The following SPATA13 variants were observed in gnomAD, a reference collection of about 807,000 sequenced individuals.
The protein encoded by SPATA13 is spermatogenesis-associated protein 13.
Under a neutral mutation model 104.0 loss-of-function variants are expected in SPATA13, and 50 were observed. The observed-to-expected ratio is 0.48, with a 90% confidence interval of 0.38 to 0.61. The LOEUF is 0.61. Ranked by LOEUF, SPATA13 falls within the 20% of genes least tolerant of loss-of-function variation. SPATA13 has a pLI of 0.00. For synonymous variants in SPATA13, 606 were observed against 667.5 expected, an observed-to-expected ratio of 0.91 and a Z score of 1.42; for missense variants, 1,524 against 1,690.6, an observed-to-expected ratio of 0.90 and a Z score of 1.73.
chr13:24,274,444 G>A (rs1290541217), intron 4 of SPATA13, among the ~76,000 whole-genome samples: 1 of 152,218 alleles, frequency 6.6e-6, no homozygotes, highest in African/African-American at 2.4e-5. Context: ...AGATGCCACA[G>A]GCCCTGGGTG....
At chr13:24,056,309 T>C (rs1199646391) in intron 3 of SPATA13, among the ~76,000 whole-genome samples, 1 of 152,216 alleles carries the variant, frequency 6.6e-6, no homozygotes, top group Non-Finnish European at 1.5e-5. Context: ...CATTTAGAGA[T>C]GCTTTGGAAG....
intron 4 of SPATA13, among the ~76,000 whole-genome samples, chr13:24,262,860 TAA>T (rs1874122743): frequency 6.6e-6 from 1 of 152,364 alleles, no homozygotes; most frequent in African/African-American, 2.4e-5. Context: ...GTCTACTTAG[TAA>T]AGTCCCAGAG....
intron 1 of SPATA13, among the ~76,000 whole-genome samples, chr13:24,190,378 T>C (rs1471337451): frequency 2.5e-5 from 2 of 79,824 alleles, no homozygotes; most frequent in African/African-American, 6.9e-5. Context: ...TAATATATAA[T>C]ATTATATATA....
chr13:23,995,144 A>G (rs571912221), intron 2 of SPATA13, among the ~76,000 whole-genome samples: 2 of 152,332 alleles, frequency 1.3e-5, no homozygotes, highest in Admixed American at 6.5e-5. Flanking sequence ...GAACCCTGAC[A>G]TCCTTAAGAG....
chr13:24,225,644 AC>A (rs1277076764), intron 2 of SPATA13, among the ~76,000 whole-genome samples: 2 of 152,058 alleles, frequency 1.3e-5, no homozygotes. Flanking sequence ...TAGCCCCACC[AC>A]TGCTTCCTGT....
At chr13:24,218,733 T>TA (rs11483594) in intron 1 of SPATA13, among the ~76,000 whole-genome samples, 4 of 151,346 alleles carry the variant, frequency 2.6e-5, no homozygotes, top group Admixed American at 6.6e-5. Context: ...ATTTTTTTTT[T>TA]AATCTCATCA....
chr13:24,173,267 T>C (rs1390230549), intron 1 of SPATA13, among the ~76,000 whole-genome samples: 2 of 151,874 alleles, frequency 1.3e-5, no homozygotes, highest in East Asian at 3.9e-4. Context: ...TTAGTAGAGA[T>C]GGGGTTTTGC....
Position 24,008,379 on chromosome 13 carries a change from G to T in SPATA13, c.-146-9288G>T, listed in dbSNP as rs932516094. 6.6e-5 allele frequency among the ~76,000 whole-genome samples: 10 copies of T among 152,174 alleles called. No individual in the cohort carries two copies. The South Asian group carries it at 1.2e-3, about 19-fold the overall frequency. ...CTCCTTGTCCAGCTGGAATGGCCAG[G>T]CCCTGTCCCTGGGGCTGGCTGATCT... On this transcript the variant is annotated intron_variant, in intron 2 of 14. Transcript: ENST00000424834.
At chr13:24,080,751 C>T (rs551781322) in intron 3 of SPATA13, among the ~76,000 whole-genome samples, 17 of 152,188 alleles carry the variant, frequency 1.1e-4, no homozygotes, top group African/African-American at 4.1e-4. Context: ...TCTTCTGTGC[C>T]CTATGGCATG....
chr13:24,218,879 A>T lies in SPATA13; in HGVS notation c.-111-3940A>T, dbSNP rs1871408507. Among the ~76,000 whole-genome samples, 3 of 151,874 alleles carry T rather than the reference A, an allele frequency of 2.0e-5. No homozygotes were observed. In the South Asian group the frequency reaches 6.2e-4, roughly 32 times the overall value. On this transcript the variant is annotated intron_variant, in intron 1 of 12. Transcript: ENST00000382108. ...ACCTTCCTGCTTTTTTGTACATTTA[A>T]TCTGTTCTATATTCCTGAATTTCAA...
intron 3 of SPATA13, among the ~76,000 whole-genome samples, chr13:24,128,702 A>G (rs1881297822): frequency 6.7e-6 from 1 of 148,404 alleles, no homozygotes; most frequent in East Asian, 2.0e-4. Context: ...ATATTTCAGG[A>G]GAATTTAAAC....
chr13:23,989,882 G>C (rs574580317), intron 2 of SPATA13, among the ~76,000 whole-genome samples: 1 of 152,268 alleles, frequency 6.6e-6, no homozygotes, highest in South Asian at 2.1e-4. Context: ...ACTATGTGAG[G>C]ATGCAGTGAG....
intron 9 of SPATA13, among the ~76,000 whole-genome samples, chr13:24,291,804 C>G (rs571333960): frequency 2.1e-5 from 3 of 143,270 alleles, no homozygotes; most frequent in African/African-American, 7.7e-5. Context: ...GGCCGGACTG[C>G]GGACTGCAGT....
Position 24,249,801 on chromosome 13 carries a change from G to T in SPATA13, c.1978G>T (p.Gly660Trp). ...ISVIGGVSLY[G>W]TNQTEELDNL... ...CGTGATAGGTGGGGTCAGCTTGTAT[G>T]GGACCAACCAGACGGAGGAACTGGA... The change falls in exon 3 of 13, where the codon GGG becomes TGG. Residue 660 changes from glycine (G) to tryptophan (W), a missense_variant. Around this residue, in one of 2 missense-constraint regions of SPATA13, gnomAD observed 1,089 missense variants for 1,135.9 expected, o/e 0.96. Transcript: ENST00000382108. 1 of 1,612,500 alleles carries T rather than the reference G, an allele frequency of 6.2e-7. No homozygotes were observed. Among genetic ancestry groups the T allele is most frequent in the Non-Finnish European group, 8.5e-7 (1 of 1,179,362 alleles).
At chr13:24,002,422 G>A (rs1356130270) in intron 2 of SPATA13, among the ~76,000 whole-genome samples, 1 of 152,306 alleles carries the variant, frequency 6.6e-6, no homozygotes, top group East Asian at 1.9e-4. Context: ...CAGTCGCTCT[G>A]CATTCCATAG....
intron 3 of SPATA13, among the ~76,000 whole-genome samples, chr13:24,121,542 T>C (rs1881029601): frequency 6.6e-6 from 1 of 152,054 alleles, no homozygotes; most frequent in African/African-American, 2.4e-5. Flanking sequence ...TGAATGAAAA[T>C]GATGAAGATT....
rs1876449735 is a variant in SPATA13, at chr13:24,011,050, C to T, written c.-146-6617C>T. ...CTGCACCCATACTGCTGGGATATGC[C>T]TGCACTCTGCAGTTTGCTGACTCCT... On this transcript the variant is annotated intron_variant, in intron 2 of 14. Coordinates refer to the SPATA13 transcript ENST00000424834. This position sits in a 1 kb window ranked among gnomAD's most constrained non-coding sequence, Gnocchi z 4.3. 1.3e-5 allele frequency among the ~76,000 whole-genome samples: 2 copies of T among 152,270 alleles called. No homozygotes were observed. The highest frequency in any genetic ancestry group is 4.1e-4 in the South Asian group (2 of 4,826).
chr13:24,107,613 T>C (rs540268977), intron 3 of SPATA13, among the ~76,000 whole-genome samples: 1 of 152,350 alleles, frequency 6.6e-6, no homozygotes, highest in East Asian at 1.9e-4. Flanking sequence ...TATATTTATA[T>C]GTCTGTGAAT....
At chr13:24,009,449 T>C (rs771083005) in intron 2 of SPATA13, among the ~76,000 whole-genome samples, 3 of 152,216 alleles carry the variant, frequency 2.0e-5, no homozygotes, top group Non-Finnish European at 4.4e-5. Flanking sequence ...CCCTAGGTGG[T>C]TGGGCTACAG....
Sources: allele counts gnomAD v4.1 joint callset (sites outside exome capture counted in the v4.1 genomes callset), GRCh38; gene constraint gnomAD v4.1.1; regional missense constraint gnomAD v4.1.1; non-coding constraint Gnocchi (gnomAD v3.1); transcripts MANE v1.5; gene names NCBI Gene and HGNC (gene_info 2026-07-23, HGNC 2026-07-21).